Variants in DNAH7 observed in about 807,000 individuals in gnomAD.
DNAH7 encodes dynein axonemal heavy chain 7.
A neutral mutation model predicts 444.6 loss-of-function variants in DNAH7; 397 were observed. The observed-to-expected ratio is 0.89, with a 90% CI of 0.82 to 0.97. DNAH7 has a LOEUF of 0.97. DNAH7 is among the 50% of genes least tolerant of loss of function. DNAH7 has a pLI of 0.00. For synonymous variants in DNAH7, 1,636 were observed against 1,624.4 expected (o/e 1.01, Z -0.17); for missense variants, 4,902 against 4,800.8 (o/e 1.02, Z -0.62).
chr2:195,920,381 A>T (rs1350333210), intron 24 of DNAH7, among the ~76,000 whole-genome samples: 1 of 152,218 alleles, frequency 6.6e-6, no homozygotes, highest in Non-Finnish European at 1.5e-5. Context: ...CACACAGACA[A>T]ATGGAACAAA....
intron 58 of DNAH7, among the ~76,000 whole-genome samples, chr2:195,778,695 T>TATATATATACAC (rs1413365448): frequency 8.6e-4 from 77 of 89,808 alleles, no homozygotes; most frequent in Non-Finnish European, 1.4e-3. Flanking sequence ...TATATACACA[T>TATATATATACAC]ATATATATAC....
At chr2:195,929,566 G>A (rs1442080267) in intron 21 of DNAH7, among the ~76,000 whole-genome samples, 1 of 152,050 alleles carries the variant, frequency 6.6e-6, no homozygotes, top group Non-Finnish European at 1.5e-5. Flanking sequence ...AGAAATAAAG[G>A]TGCACACCTA....
intron 18 of DNAH7, 63 bp downstream of exon 18, chr2:195,960,197 T>A (rs1173970083): frequency 7.4e-7 from 1 of 1,347,922 alleles, no homozygotes. Context: ...AAAAGAACTT[T>A]ACATTAAACA....
intron 24 of DNAH7, among the ~76,000 whole-genome samples, chr2:195,910,732 A>G (rs1477398518): frequency 1.3e-5 from 2 of 152,118 alleles, no homozygotes; most frequent in African/African-American, 2.4e-5. Context: ...GGATCCACCT[A>G]TATAAATCTA....
chr2:195,795,094 T>C (rs1351640845), intron 56 of DNAH7, among the ~76,000 whole-genome samples: 2 of 152,144 alleles, frequency 1.3e-5, no homozygotes, highest in Non-Finnish European at 2.9e-5. Context: ...ATAAAACCTC[T>C]GATAGGCCAG....
At position 195,857,566 on chromosome 2, in the gene DNAH7, A is replaced by C; in HGVS notation, c.8225T>G (p.Leu2742Arg). ...IEDFWGPAKR[L>R]LGDMRFLQSL... is the part of the protein sequence containing the mutation. ...CTGCAGAAACCTCATGTCACCAAGAAGTCTCTTAGCTGGGCCCCAGAAATC... is the reference window on the plus strand; with the variant it reads ...CTGCAGAAACCTCATGTCACCAAGACGTCTCTTAGCTGGGCCCCAGAAATC... Residue 2742 changes from leucine to arginine, a missense_variant, in exon 44 of 65, where the codon CTT (leucine) becomes CGT (arginine). Physicochemically the swap from Leu to Arg is moderately radical, Grantham distance 102. Transcript: ENST00000312428. The C allele has an allele frequency of 6.2e-7, 1 of 1,614,000 alleles. No homozygotes were observed. Among genetic ancestry groups the C allele is most frequent in the African/African-American group, 1.3e-5 (1 of 75,018 alleles).
chr2:195,879,200 A>C lies in DNAH7; in HGVS notation c.5962-2501T>G, dbSNP rs75114231. On this transcript the variant is annotated intron_variant, in intron 36 of 64. Transcript: ENST00000312428. ...TGAGGTCAATTTCCTTATTAAAAGGAAAAAGGGCTCAGATTAACACAAATA... is the reference window on the plus strand; with the variant it reads ...TGAGGTCAATTTCCTTATTAAAAGGCAAAAGGGCTCAGATTAACACAAATA... Among the ~76,000 whole-genome samples the C allele has an allele frequency of 0.02, 2,974 of 152,306 alleles. 250 individuals carry two copies. In the East Asian group the frequency reaches 0.27, roughly 14 times the overall value.
intron 51 of DNAH7, among the ~76,000 whole-genome samples, chr2:195,810,402 TTTTTATTATTTA>T (rs571170224): frequency 3.3e-5 from 5 of 152,216 alleles, no homozygotes; most frequent in African/African-American, 1.2e-4. Flanking sequence ...CAATATTTCC[TTTTTATTATTTA>T]TTTATTTATT....
At chr2:196,031,891 C>T (rs1360068543) in intron 5 of DNAH7, among the ~76,000 whole-genome samples, 2 of 152,192 alleles carry the variant, frequency 1.3e-5, no homozygotes, top group Non-Finnish European at 2.9e-5. Context: ...CCAAACTGTT[C>T]CAACCTCTGC....
At chr2:195,743,775 A>G (rs145491282) in intron 63 of DNAH7, among the ~76,000 whole-genome samples, 29 of 143,838 alleles carry the variant, frequency 2.0e-4, no homozygotes, top group African/African-American at 7.1e-4. Flanking sequence ...ATTTGTGGAT[A>G]TATGTGCTTA....
At chr2:195,866,313 G>C (rs1700339626) in intron 40 of DNAH7, among the ~76,000 whole-genome samples, 1 of 151,718 alleles carries the variant, frequency 6.6e-6, no homozygotes, top group South Asian at 2.1e-4. Context: ...TTAGTGTATT[G>C]TTATCAAATT....
At chr2:195,948,849 T>C (rs1690011987) in intron 19 of DNAH7, among the ~76,000 whole-genome samples, 1 of 152,182 alleles carries the variant, frequency 6.6e-6, no homozygotes, top group Non-Finnish European at 1.5e-5. Context: ...AGCAGCTTGA[T>C]GAAGATAGCA....
chr2:195,879,367 T>C (rs567113844), intron 36 of DNAH7, among the ~76,000 whole-genome samples: 11 of 152,284 alleles, frequency 7.2e-5, no homozygotes, highest in African/African-American at 2.2e-4. Flanking sequence ...GTTCTGTGTA[T>C]TGCTTACGTC....
intron 55 of DNAH7, 51 bp from the exon 56 acceptor site, chr2:195,796,788 A>G: frequency 6.5e-7 from 1 of 1,549,034 alleles, no homozygotes; most frequent in African/African-American, 1.4e-5. Flanking sequence ...TTTAAGAAAC[A>G]TCAATATTGT....
Position 195,771,738 on chromosome 2 carries a change from A to C in DNAH7, c.11355T>G (p.Leu3785=), listed in dbSNP as rs763200107. 38 of 1,614,054 alleles carry C rather than the reference A, an allele frequency of 2.4e-5. No individual in the cohort carries two copies. The highest frequency in any genetic ancestry group is 3.0e-5 in the Non-Finnish European group (35 of 1,180,032). ...TTYTQSMNTV[L]VQEMGRFNKL... ...TATTGAACCGTCCCATCTCTTGGACAAGTACAGTGTTCATGCTCTGAGTAT... is the reference window on the plus strand; with the variant it reads ...TATTGAACCGTCCCATCTCTTGGACCAGTACAGTGTTCATGCTCTGAGTAT... Residue 3785 remains leucine, a synonymous_variant, in exon 61 of 65, where the codon CTT becomes CTG. Transcript: ENST00000312428.
At chr2:196,066,383 CATG>C (rs747957991) in intron 1 of DNAH7, among the ~76,000 whole-genome samples, 2 of 152,160 alleles carry the variant, frequency 1.3e-5, no homozygotes, top group Non-Finnish European at 2.9e-5. Flanking sequence ...ATTTCAAAAA[CATG>C]ATGAAGGAAA....
intron 19 of DNAH7, among the ~76,000 whole-genome samples, chr2:195,953,567 G>A (rs754142053): frequency 6.6e-6 from 1 of 152,194 alleles, no homozygotes; most frequent in East Asian, 1.9e-4. Context: ...TCTGTCCCAG[G>A]GAGATGGGAG....
intron 42 of DNAH7, among the ~76,000 whole-genome samples, chr2:195,860,819 G>C (rs191479985): frequency 1.3e-5 from 2 of 151,936 alleles, no homozygotes; most frequent in African/African-American, 4.8e-5. Flanking sequence ...TGTTCAATTC[G>C]TGGATCAGGC....
At chr2:195,752,856 C>T (rs1279184788) in intron 63 of DNAH7, among the ~76,000 whole-genome samples, 1 of 152,182 alleles carries the variant, frequency 6.6e-6, no homozygotes, top group Non-Finnish European at 1.5e-5. Context: ...AGAACAGCAT[C>T]AGTTGATTAG....
Sources: gnomAD v4.1 joint callset for allele counts (sites outside exome capture counted in the v4.1 genomes callset) on GRCh38, gnomAD v4.1.1 for gene constraint, MANE v1.5 for transcripts, NCBI Gene and HGNC (gene_info 2026-07-23, HGNC 2026-07-21) for gene names.